Variants in ACYP2 observed in about 807,000 individuals in gnomAD.
ACYP2 encodes the protein acylphosphatase-2.
A neutral mutation model predicts 11.2 loss-of-function variants in ACYP2; 12 were observed. The observed-to-expected ratio is 1.08, with a 90% confidence interval of 0.69 to 1.74. The LOEUF (loss-of-function observed/expected upper bound fraction) is 1.74, where lower values mean the gene tolerates loss of function less well. ACYP2 is among the 40% of genes most tolerant of loss of function. The pLI is 0.00. For missense variants in ACYP2, 134 were observed against 101.9 expected (o/e 1.31, Z -1.35); for synonymous variants, 43 against 32.2 (o/e 1.33, Z -1.13).
Position 54,134,509 on chromosome 2 carries a change from G to A in ACYP2, c.278-944G>A, listed in dbSNP as rs1031807053. Reference sequence around the variant, plus strand: ...TGAGGACAGCTAAATTTTATGCCAAGTATACTCAACTGTACCTGTAATAAC... The same window carrying A: ...TGAGGACAGCTAAATTTTATGCCAAATATACTCAACTGTACCTGTAATAAC... On this transcript the variant is annotated intron_variant, in intron 4 of 6. Coordinates refer to ENST00000607452, the MANE Select transcript of ACYP2 (RefSeq NM_001320586.2). Among the ~76,000 whole-genome samples the A allele has an allele frequency of 1.7e-4, 26 of 152,092 alleles. 1 individual carries two copies. The highest frequency in any genetic ancestry group is 6.0e-4 in the African/African-American group (25 of 41,418).
chr2:54,046,411 G>A (rs949512150), intron 2 of ACYP2, among the ~76,000 whole-genome samples: 53 of 151,422 alleles, frequency 3.5e-4, no homozygotes, highest in African/African-American at 1.1e-3. Flanking sequence ...CCTGGGAAGC[G>A]GAGGTTGCAG....
At chr2:54,153,329 G>T (rs1346602707) in intron 6 of ACYP2, among the ~76,000 whole-genome samples, 1 of 151,768 alleles carries the variant, frequency 6.6e-6, no homozygotes, top group Admixed American at 6.6e-5. Context: ...CTGTTCCATT[G>T]GATGATGTTT....
At chr2:54,202,290 G>A (rs535609203) in intron 6 of ACYP2, among the ~76,000 whole-genome samples, 1 of 137,228 alleles carries the variant, frequency 7.3e-6, no homozygotes, top group Non-Finnish European at 1.6e-5. Flanking sequence ...TGTATTTTCA[G>A]TAGAGACGGA....
intron 4 of ACYP2, among the ~76,000 whole-genome samples, chr2:54,059,026 C>G (rs1676323056): frequency 6.6e-6 from 1 of 152,096 alleles, no homozygotes; most frequent in Admixed American, 6.5e-5. Context: ...GGTTTATGGT[C>G]ATGCTGGCCT....
At chr2:54,271,901 T>C (rs943286033) in intron 6 of ACYP2, among the ~76,000 whole-genome samples, 2 of 152,210 alleles carry the variant, frequency 1.3e-5, no homozygotes, top group Non-Finnish European at 2.9e-5. Flanking sequence ...AGACATGCAT[T>C]GCTTTCTGCA....
intron 2 of ACYP2, among the ~76,000 whole-genome samples, chr2:53,975,787 G>A (rs558302957): frequency 2.6e-5 from 4 of 152,160 alleles, no homozygotes; most frequent in African/African-American, 7.2e-5. Flanking sequence ...AGCCAAGATC[G>A]CGCCACTGCA....
At chr2:54,150,747 T>C (rs1171865209) in intron 6 of ACYP2, among the ~76,000 whole-genome samples, 127 of 145,092 alleles carry the variant, frequency 8.8e-4, no homozygotes, top group African/African-American at 3.1e-3. Context: ...TTCTTTTTTT[T>C]TTTTTTTTTT....
At chr2:54,203,938 C>G (rs1052080656) in intron 6 of ACYP2, among the ~76,000 whole-genome samples, 5 of 152,092 alleles carry the variant, frequency 3.3e-5, no homozygotes, top group African/African-American at 1.2e-4. Context: ...TGCAGTCCAG[C>G]ACAAATTCAC....
At chr2:54,234,119 G>C (rs1686366651) in intron 6 of ACYP2, among the ~76,000 whole-genome samples, 1 of 152,180 alleles carries the variant, frequency 6.6e-6, no homozygotes, top group Non-Finnish European at 1.5e-5. Context: ...TGGCAAAATT[G>C]TCCTTGTTTG....
intron 6 of ACYP2, among the ~76,000 whole-genome samples, chr2:54,209,099 C>T (rs1435866508): frequency 1.3e-5 from 2 of 151,466 alleles, no homozygotes; most frequent in East Asian, 1.9e-4. Context: ...TAGTACCACC[C>T]AGAAACTGAA....
In ACYP2 at chr2:54,026,103, C is replaced by T. The variant is rs150897276; in HGVS notation, c.63-24855C>T. On this transcript the variant is annotated intron_variant, in intron 2 of 6. Transcript: ENST00000607452. ...CTGCACTCCAGTCTGGGTGGCAGAG[C>T]GAGACTCTGTCTCAACAAACAAACA... Among the ~76,000 whole-genome samples the T allele has an allele frequency of 1.4e-4, 21 of 152,166 alleles. No individual in the cohort carries two copies. In the East Asian group the frequency reaches 2.9e-3, roughly 21 times the overall value.
intron 6 of ACYP2, among the ~76,000 whole-genome samples, chr2:54,210,201 CTCTTA>C (rs1685275943): frequency 6.7e-6 from 1 of 148,816 alleles, no homozygotes; most frequent in South Asian, 2.1e-4. Flanking sequence ...CATTCCTTTT[CTCTTA>C]AATCCTTGAT....
intron 6 of ACYP2, among the ~76,000 whole-genome samples, chr2:54,250,572 A>G (rs373972613): frequency 7.9e-5 from 12 of 152,250 alleles, no homozygotes; most frequent in African/African-American, 2.7e-4. Context: ...CAAGTCATCT[A>G]TATGGATGCC....
intron 4 of ACYP2, among the ~76,000 whole-genome samples, chr2:54,062,503 G>A (rs1282432871): frequency 6.6e-6 from 1 of 152,114 alleles, no homozygotes; most frequent in Admixed American, 6.5e-5. Flanking sequence ...TTCCTATATA[G>A]GATATCATTA....
At chr2:54,243,755 A>G (rs1214842799) in intron 6 of ACYP2, among the ~76,000 whole-genome samples, 2 of 151,638 alleles carry the variant, frequency 1.3e-5, no homozygotes, top group African/African-American at 4.8e-5. Context: ...TCTTTTTTTT[A>G]GTAGAGATGG....
chr2:54,056,298 A>C (rs140838308), intron 3 of ACYP2, among the ~76,000 whole-genome samples: 42 of 152,332 alleles, frequency 2.8e-4, no homozygotes, highest in African/African-American at 9.9e-4. Context: ...GCCTGGTGAC[A>C]TGGGCAGTTT....
intron 2 of ACYP2, among the ~76,000 whole-genome samples, chr2:54,029,307 A>G (rs72906707): frequency 5.3e-4 from 80 of 152,272 alleles, no homozygotes; most frequent in African/African-American, 1.7e-3. Context: ...GGTACATACT[A>G]CCAGCATAAC....
intron 6 of ACYP2, among the ~76,000 whole-genome samples, chr2:54,162,792 G>A (rs1381508976): frequency 6.6e-6 from 1 of 152,024 alleles, no homozygotes; most frequent in African/African-American, 2.4e-5. Context: ...ATAGGGAGAT[G>A]CCCATCTCAA....
intron 4 of ACYP2, among the ~76,000 whole-genome samples, chr2:54,069,808 A>G (rs1367056268): frequency 6.6e-6 from 1 of 152,252 alleles, no homozygotes; most frequent in South Asian, 2.1e-4. Context: ...TTTTGAATTT[A>G]GCTATGTAAT....
Sources: allele counts gnomAD v4.1 joint callset (sites outside exome capture counted in the v4.1 genomes callset), GRCh38; gene constraint gnomAD v4.1.1; transcripts MANE v1.5; gene names NCBI Gene and HGNC (gene_info 2026-07-23, HGNC 2026-07-21).